Variants in ANKRD26 observed in about 807,000 individuals in gnomAD.
ANKRD26 encodes ankyrin repeat domain 26, also known as ankyrin repeat domain-containing protein 26.
Under a neutral mutation model 208.7 loss-of-function variants are expected in ANKRD26, and 141 were observed. The observed-to-expected ratio is 0.68, with a 90% CI of 0.59 to 0.78. The LOEUF (loss-of-function observed/expected upper bound fraction) is 0.78, where lower values mean the gene tolerates loss of function less well. Among genes scored for constraint, ANKRD26 ranks in the 30% least tolerant of loss-of-function variants. The pLI, the probability that ANKRD26 is intolerant of heterozygous loss-of-function variation, is 0.00. For missense variants in ANKRD26, 1,889 were observed against 1,938.7 expected, an observed-to-expected ratio of 0.97 and a Z score of 0.48; for synonymous variants, 636 against 660.4, an observed-to-expected ratio of 0.96 and a Z score of 0.57.
Position 26,979,685 on chromosome 10 carries a change from G to T in ANKRD26, c.*281+891C>A, listed in dbSNP as rs543453830. On this transcript the variant is annotated intron_variant and NMD_transcript_variant, in intron 5 of 5. Transcript: ENST00000674670. ...TAATCTTTCCCAATTTGTCAAGGTA[G>T]AATACTGGGAGAGGTGAAACCCTTT... 2.0e-5 allele frequency among the ~76,000 whole-genome samples: 3 copies of T among 152,300 alleles called. No individual in the cohort carries two copies. The East Asian group carries it at 5.8e-4, about 29-fold the overall frequency.
At chr10:26,997,883 A>G (rs1424410230) in intron 4 of ANKRD26, among the ~76,000 whole-genome samples, 1 of 152,186 alleles carries the variant, frequency 6.6e-6, no homozygotes, top group Non-Finnish European at 1.5e-5. Flanking sequence ...ATGGGCTCCC[A>G]GAGCTTGGGG....
chr10:27,034,011 T>C (rs2053965213), intron 24 of ANKRD26, among the ~76,000 whole-genome samples: 1 of 152,236 alleles, frequency 6.6e-6, no homozygotes, highest in Admixed American at 6.5e-5. Context: ...CTACACTTAC[T>C]TATCTTTATA....
chr10:27,050,611 A>C (rs2054621177), intron 16 of ANKRD26, among the ~76,000 whole-genome samples: 1 of 152,232 alleles, frequency 6.6e-6, no homozygotes, highest in Admixed American at 6.5e-5. Context: ...AATATTTGTT[A>C]ACAATACTCA....
Position 27,029,353 on chromosome 10 carries a change from G to T in ANKRD26, c.3811C>A (p.Gln1271Lys), listed in dbSNP as rs1437897413. Residue 1271 changes from glutamine (Q) to lysine (K), a missense_variant, in exon 26 of 34, where the codon CAA becomes AAA. Gln to Lys is a moderately conservative substitution (Grantham distance 53). Coordinates refer to ENST00000376087, the MANE Select transcript of ANKRD26 (RefSeq NM_014915.3). ...TCTGTATGTCGATCCTGTGCTTCTT[G>T]CAACTAAAACAAAGAATAAAAAAAA... The part of the protein sequence containing the change: ...KKLGQIRNQL[Q>K]EAQDRHTEAV... 1.2e-6 allele frequency: 2 copies of T among 1,611,138 alleles called. No homozygotes were observed.
At chr10:26,962,052 T>C in the ANKRD26 span, among the ~76,000 whole-genome samples, 1 of 152,156 alleles carries the variant, frequency 6.6e-6, no homozygotes. Flanking sequence ...AACAGAAGAT[T>C]TGGGCACTTG....
chr10:27,082,804 T>C lies in ANKRD26; in HGVS notation c.739A>G (p.Arg247Gly), dbSNP rs765170468. 1 of 1,586,506 alleles carries C rather than the reference T, an allele frequency of 6.3e-7. No individual in the cohort carries two copies. Among genetic ancestry groups the C allele is most frequent in the South Asian group, 1.1e-5 (1 of 87,598 alleles). The change falls in exon 6 of 34, where the codon AGG becomes GGG. Residue 247 changes from arginine (R) to glycine (G), a missense_variant and splice_region_variant. Physicochemically the swap from Arg to Gly is moderately radical, Grantham distance 125. Around this residue, in one of 3 missense-constraint regions of ANKRD26, gnomAD observed 1,272 missense variants for 1,273.8 expected, o/e 1.00. Transcript: ENST00000376087. Reference sequence around the variant, plus strand: ...TTTTAAAAATCTGTAAAATACTACCTGCTTAAGGAGTCTTCAGAGCTTTCA... The same window carrying C: ...TTTTAAAAATCTGTAAAATACTACCCGCTTAAGGAGTCTTCAGAGCTTTCA... ...VDESSEDSLS[R>G]LSGKPGVDDS... is the part of the protein sequence containing the mutation.
chr10:27,031,639 C>G (rs2053866627), intron 25 of ANKRD26, among the ~76,000 whole-genome samples: 1 of 152,146 alleles, frequency 6.6e-6, no homozygotes, highest in Non-Finnish European at 1.5e-5. Flanking sequence ...TTACACAACT[C>G]TGTAAATAAT....
chr10:26,996,194 C>T (rs2052588018), intron 4 of ANKRD26, among the ~76,000 whole-genome samples: 1 of 152,148 alleles, frequency 6.6e-6, no homozygotes, highest in African/African-American at 2.4e-5. Context: ...CATAACTAAT[C>T]CCAGCACTTT....
At chr10:27,062,770 C>CTTTCTTT (rs1482604226) in intron 12 of ANKRD26, among the ~76,000 whole-genome samples, 1 of 142,460 alleles carries the variant, frequency 7.0e-6, no homozygotes, top group African/African-American at 2.6e-5. Context: ...TTCTTTCTTT[C>CTTTCTTT]TTTTTTTTTT....
rs540410542 is a variant in ANKRD26 at position 27,090,222 on chromosome 10, G to C, written c.638+2184C>G. Among the ~76,000 whole-genome samples, 243 of 152,174 alleles carry C rather than the reference G, an allele frequency of 1.6e-3. 1 individual carries two copies. The highest frequency in any genetic ancestry group is 5.8e-3 in the African/African-American group (240 of 41,512). Reference sequence around the variant, plus strand: ...GCACTTTGGGAGGCCAAAGCGGGTGGATCACTTGAAGTCAGGAGTTCGAGA... The same window carrying C: ...GCACTTTGGGAGGCCAAAGCGGGTGCATCACTTGAAGTCAGGAGTTCGAGA... On this transcript the variant is annotated intron_variant, in intron 4 of 33. Coordinates refer to ENST00000376087, the MANE Select transcript of ANKRD26 (RefSeq NM_014915.3).
intron 18 of ANKRD26, among the ~76,000 whole-genome samples, chr10:27,045,102 T>A (rs1183546287): frequency 2.6e-5 from 4 of 152,220 alleles, no homozygotes; most frequent in African/African-American, 9.6e-5. Context: ...TTCATTCATC[T>A]ACTCAACTCT....
intron 6 of ANKRD26, among the ~76,000 whole-genome samples, chr10:27,079,455 T>C (rs1191493993): frequency 6.6e-6 from 1 of 152,240 alleles, no homozygotes; most frequent in Non-Finnish European, 1.5e-5. Flanking sequence ...TGGCAGAACC[T>C]GGGAATACTT....
At position 27,005,650 on chromosome 10, in the gene ANKRD26, A is replaced by T. The variant is rs2052847426; in HGVS notation, c.5073T>A (p.Asp1691Glu). 1.2e-6 allele frequency: 2 copies of T among 1,613,104 alleles called. No homozygotes were observed. The highest frequency in any genetic ancestry group is 2.7e-5 in the African/African-American group (2 of 74,910). ...GSTDESNLNQ[D>E]LVWKASREYV... ...ATTCTCTTGATGCTTTCCAAACTAG[A>T]TCTTGATTTAGATTTGACTCATCAG... Residue 1691 changes from aspartate (D) to glutamate (E), a missense_variant, in exon 34 of 34, where the codon GAT becomes GAA. Physicochemically the swap from Asp to Glu is conservative, Grantham distance 45 (BLOSUM62 2). Transcript: ENST00000376087.
At position 27,093,451 on chromosome 10, in the gene ANKRD26, A is replaced by G. The variant is rs1390897624; in HGVS notation, c.429T>C (p.Asp143=). 4 of 1,614,078 alleles carry G rather than the reference A, an allele frequency of 2.5e-6. No individual in the cohort carries two copies. The highest frequency in any genetic ancestry group is 3.4e-6 in the Non-Finnish European group (4 of 1,180,022). Residue 143 remains aspartate (D), a synonymous_variant, in exon 3 of 34, where the codon GAT becomes GAC. Transcript: ENST00000376087. ...LEHGADPNLA[D]VHGNTALHYA... The stretch of plus-strand genomic sequence containing the variant: ...AGTGAAGAGCAGTGTTGCCATGGAC[A>G]TCCGCAAGATTTGGATCAGCACCAT...
At chr10:26,977,222 T>A (rs920842080) in intron 5 of ANKRD26, among the ~76,000 whole-genome samples, 1 of 152,180 alleles carries the variant, frequency 6.6e-6, no homozygotes, top group Non-Finnish European at 1.5e-5. Context: ...AGAAAACAGA[T>A]CCCATTTCTT....
chr10:27,045,930 TAATGGATCAAGCTTTCTGAG>T, intron 18 of ANKRD26, among the ~76,000 whole-genome samples: 1 of 152,324 alleles, frequency 6.6e-6, no homozygotes, highest in African/African-American at 2.4e-5. Context: ...CTTTAAAAGA[TAATGGATCAAGCTTTCTGAG>T]GCTTTGACAT....
rs1439224308 is a variant in ANKRD26 at position 27,046,518 on chromosome 10, C to T, written c.1820G>A (p.Gly607Asp). 1.2e-6 allele frequency: 2 copies of T among 1,613,210 alleles called. No homozygotes were observed. The highest frequency in any genetic ancestry group is 1.7e-6 in the Non-Finnish European group (2 of 1,179,810). ...RKENKEYASS[G>D]PALQMKEVKS... ...TACTTCCTTCATTTGCAAGGCAGGA[C>T]CACTACTTTAAAAAATCCATGGGAA... The change falls in exon 18 of 34, where the codon GGT becomes GAT. Residue 607 changes from glycine to aspartate, a missense_variant. By Grantham distance (94) the Gly-to-Asp change is moderately conservative. Transcript: ENST00000376087.
the ANKRD26 span, among the ~76,000 whole-genome samples, chr10:26,962,841 G>T: frequency 6.6e-6 from 1 of 152,300 alleles, no homozygotes; most frequent in Admixed American, 6.5e-5. Flanking sequence ...AGATATGGGA[G>T]AAGTTAGGGA....
intron 32 of ANKRD26, among the ~76,000 whole-genome samples, chr10:27,012,655 A>G (rs563039964): frequency 1.2e-4 from 18 of 152,236 alleles, no homozygotes; most frequent in African/African-American, 4.3e-4. Context: ...TCTACTAGAA[A>G]TATAAAAATT....
Sources: gnomAD v4.1 joint callset for allele counts (sites outside exome capture counted in the v4.1 genomes callset) on GRCh38, gnomAD v4.1.1 for gene constraint, gnomAD v4.1.1 regional missense constraint, MANE v1.5 for transcripts, NCBI Gene and HGNC (gene_info 2026-07-23, HGNC 2026-07-21) for gene names.